The following ARHGAP20 variants were observed in gnomAD, a reference collection of about 807,000 sequenced individuals.
ARHGAP20 encodes Rho GTPase activating protein 20, also known as rho GTPase-activating protein 20.
ARHGAP20 carries 34 observed loss-of-function variants against 73.7 expected under a neutral mutation model. The ratio of observed to expected loss-of-function variants is 0.46; its 90% CI spans 0.35 to 0.61. The LOEUF is 0.61. ARHGAP20 is among the 20% of genes least tolerant of loss of function. The pLI is 0.00. For missense variants in ARHGAP20, 1,314 were observed against 1,420.9 expected, an observed-to-expected ratio of 0.92 and a Z score of 1.21; for synonymous variants, 523 against 518.2, an observed-to-expected ratio of 1.01 and a Z score of -0.13.
chr11:110,689,736 G>A (rs1950206088), intron 2 of ARHGAP20, among the ~76,000 whole-genome samples: 1 of 151,658 alleles, frequency 6.6e-6, no homozygotes, highest in Non-Finnish European at 1.5e-5. Flanking sequence ...GTCACAGCTG[G>A]CACCGGGGAA....
chr11:110,618,491 C>T (rs149908401), intron 4 of ARHGAP20, among the ~76,000 whole-genome samples: 2,524 of 152,224 alleles, frequency 0.017, 34 homozygotes, highest in South Asian at 0.026. Flanking sequence ...TCTTTCATAC[C>T]GTTATTTGTG....
intron 9 of ARHGAP20, among the ~76,000 whole-genome samples, chr11:110,595,135 G>A (rs1018989526): frequency 1.3e-5 from 2 of 151,442 alleles, no homozygotes; most frequent in African/African-American, 4.9e-5. Flanking sequence ...GTATTGATGG[G>A]ACGTATCTCA....
chr11:110,691,268 G>C (rs747016234), intron 1 of ARHGAP20, among the ~76,000 whole-genome samples: 19 of 151,858 alleles, frequency 1.3e-4, no homozygotes, highest in Non-Finnish European at 2.1e-4. Flanking sequence ...AAGTTTATTC[G>C]ACTTGAATTA....
chr11:110,711,170 G>A (rs1280122688), intron 1 of ARHGAP20, among the ~76,000 whole-genome samples: 2 of 152,122 alleles, frequency 1.3e-5, no homozygotes, highest in African/African-American at 2.4e-5. Flanking sequence ...TCAGGGAACC[G>A]TTCCAGCGAA....
chr11:110,603,719 T>A (rs1225664436), intron 9 of ARHGAP20, among the ~76,000 whole-genome samples: 1 of 152,106 alleles, frequency 6.6e-6, no homozygotes, highest in African/African-American at 2.4e-5. Flanking sequence ...TTATCTGCAA[T>A]GAAATGATAT....
chr11:110,594,242 T>C (rs1199375307), intron 9 of ARHGAP20, among the ~76,000 whole-genome samples: 2 of 152,170 alleles, frequency 1.3e-5, no homozygotes, highest in African/African-American at 4.8e-5. Flanking sequence ...AAATGCATCA[T>C]CAATGTACAC....
intron 9 of ARHGAP20, among the ~76,000 whole-genome samples, chr11:110,595,208 G>T (rs545651155): frequency 1.3e-5 from 2 of 152,128 alleles, no homozygotes; most frequent in Admixed American, 6.5e-5. Flanking sequence ...GCAAAAACTG[G>T]AAGCATTCAC....
intron 3 of ARHGAP20, among the ~76,000 whole-genome samples, chr11:110,629,583 C>T (rs892736577): frequency 2.6e-5 from 4 of 152,182 alleles, no homozygotes; most frequent in Non-Finnish European, 5.9e-5. Flanking sequence ...TATCTGTAGG[C>T]ATTCCTTCAT....
At chr11:110,595,059 T>C (rs1326566928) in intron 9 of ARHGAP20, among the ~76,000 whole-genome samples, 1 of 151,426 alleles carries the variant, frequency 6.6e-6, no homozygotes, top group Non-Finnish European at 1.5e-5. Flanking sequence ...ATTATCTCAA[T>C]AGATGCAGAA....
At chr11:110,637,498 C>T (rs961002444) in intron 2 of ARHGAP20, among the ~76,000 whole-genome samples, 2 of 152,098 alleles carry the variant, frequency 1.3e-5, no homozygotes, top group African/African-American at 4.8e-5. Context: ...TATATGACAT[C>T]TAGCACCTAT....
intron 1 of ARHGAP20, among the ~76,000 whole-genome samples, chr11:110,703,632 A>G (rs758711784): frequency 6.6e-6 from 1 of 152,188 alleles, no homozygotes; most frequent in Non-Finnish European, 1.5e-5. Context: ...ATAAATAAAT[A>G]TAAGGATATT....
At chr11:110,650,957 G>A (rs1949338690) in intron 2 of ARHGAP20, among the ~76,000 whole-genome samples, 1 of 152,008 alleles carries the variant, frequency 6.6e-6, no homozygotes, top group Admixed American at 6.6e-5. Flanking sequence ...TTGGCCACAT[G>A]GCACTTATTC....
At chr11:110,588,966 G>T (rs1298637794) in intron 11 of ARHGAP20, among the ~76,000 whole-genome samples, 1 of 152,104 alleles carries the variant, frequency 6.6e-6, no homozygotes, top group African/African-American at 2.4e-5. Context: ...CAGCTACTCA[G>T]GAGGCTGAGG....
intron 2 of ARHGAP20, among the ~76,000 whole-genome samples, chr11:110,677,825 G>T (rs541640761): frequency 1.3e-5 from 2 of 152,198 alleles, no homozygotes; most frequent in African/African-American, 4.8e-5. Flanking sequence ...TAGTTTGATG[G>T]TTCCTCAAAA....
chr11:110,646,213 C>A (rs1030613069), intron 2 of ARHGAP20, among the ~76,000 whole-genome samples: 1 of 152,166 alleles, frequency 6.6e-6, no homozygotes, highest in South Asian at 2.1e-4. Flanking sequence ...AGGCAGTATA[C>A]TCTAGGCAGT....
intron 6 of ARHGAP20, among the ~76,000 whole-genome samples, chr11:110,613,916 C>T (rs926902106): frequency 6.6e-6 from 1 of 152,076 alleles, no homozygotes; most frequent in Admixed American, 6.5e-5. Context: ...TCATATTTTT[C>T]ATAATTGATA....
At chr11:110,599,485 CTA>C (rs2134854806) in intron 9 of ARHGAP20, among the ~76,000 whole-genome samples, 1 of 152,300 alleles carries the variant, frequency 6.6e-6, no homozygotes, top group Non-Finnish European at 1.5e-5. Flanking sequence ...CCCTTTGCAC[CTA>C]TAGCCTGGGC....
At chr11:110,685,753 G>C (rs959602107) in intron 2 of ARHGAP20, among the ~76,000 whole-genome samples, 2 of 152,086 alleles carry the variant, frequency 1.3e-5, no homozygotes, top group Non-Finnish European at 2.9e-5. Flanking sequence ...TGGGACAATA[G>C]TAAAAGTAGT....
intron 9 of ARHGAP20, among the ~76,000 whole-genome samples, chr11:110,600,896 A>C (rs1266219262): frequency 6.6e-6 from 1 of 152,220 alleles, no homozygotes; most frequent in Non-Finnish European, 1.5e-5. Context: ...TTTTCAGTGT[A>C]AGGCTATTTA....
Sources: allele counts gnomAD v4.1 joint callset (sites outside exome capture counted in the v4.1 genomes callset), GRCh38; gene constraint gnomAD v4.1.1; transcripts MANE v1.5; gene names NCBI Gene and HGNC (gene_info 2026-07-23, HGNC 2026-07-21).